Variants in CCM2 observed in about 807,000 individuals in gnomAD.
CCM2 encodes the protein CCM2 scaffold protein.
In CCM2, 25 loss-of-function variants were observed where a neutral mutation model predicts 44.9. That is an observed-to-expected ratio of 0.56 (90% CI 0.41 to 0.78). CCM2 has a LOEUF of 0.78. Among genes scored for constraint, CCM2 ranks in the 30% least tolerant of loss-of-function variants. The pLI is 0.00. For missense variants in CCM2, 481 were observed against 580.6 expected, an observed-to-expected ratio of 0.83 and a Z score of 1.76; for synonymous variants, 219 against 241.1, an observed-to-expected ratio of 0.91 and a Z score of 0.85.
At chr7:45,001,473 GTGTAAAAGGAGT>G (rs779099660) in intron 1 of CCM2, among the ~76,000 whole-genome samples, 2 of 152,288 alleles carry the variant, frequency 1.3e-5, no homozygotes, top group Non-Finnish European at 2.9e-5. Flanking sequence ...GAGCCAAGCA[GTGTAAAAGGAGT>G]TAGCTGGAAA....
At chr7:45,027,885 G>C in intron 1 of CCM2, 1 of 1,396,184 alleles carries the variant, frequency 7.2e-7, no homozygotes, top group Non-Finnish European at 1.0e-6. Context: ...GCTTCCCAGG[G>C]CTTGCCCATT....
At chr7:45,052,127 G>C (rs927706309) in intron 2 of CCM2, among the ~76,000 whole-genome samples, 3 of 152,238 alleles carry the variant, frequency 2.0e-5, no homozygotes, top group Non-Finnish European at 4.4e-5. Context: ...ACAAGCCCTT[G>C]GAGAGTAGGT....
At chr7:45,046,963 A>G (rs1797785715) in intron 2 of CCM2, among the ~76,000 whole-genome samples, 1 of 152,250 alleles carries the variant, frequency 6.6e-6, no homozygotes, top group African/African-American at 2.4e-5. Context: ...CAGTAAGCAC[A>G]TGAAAATATG....
intron 1 of CCM2, among the ~76,000 whole-genome samples, chr7:45,012,634 C>T (rs937526613): frequency 1.3e-5 from 2 of 152,042 alleles, no homozygotes; most frequent in South Asian, 2.1e-4. Flanking sequence ...TAACTCACTG[C>T]AGCCTTGAAC....
intron 1 of CCM2, among the ~76,000 whole-genome samples, chr7:45,003,108 T>C (rs1157610038): frequency 6.6e-6 from 1 of 152,148 alleles, no homozygotes; most frequent in Non-Finnish European, 1.5e-5. Context: ...AGAGTTTCGC[T>C]CTTGTTGCCC....
At chr7:45,075,266 C>T (rs1204077822) in intron 9 of CCM2, among the ~76,000 whole-genome samples, 1 of 152,250 alleles carries the variant, frequency 6.6e-6, no homozygotes, top group African/African-American at 2.4e-5. Context: ...CTGAGAGACA[C>T]ACTAGGCTTC....
At chr7:45,064,234 C>T (rs1430083185) in intron 3 of CCM2, among the ~76,000 whole-genome samples, 1 of 152,200 alleles carries the variant, frequency 6.6e-6, no homozygotes. Context: ...ATATTTCAAA[C>T]CATGTGCCGT....
At position 45,057,721 on chromosome 7, in the gene CCM2, G is replaced by A. The variant is rs574457223; in HGVS notation, c.205-6197G>A. 1.3e-3 allele frequency among the ~76,000 whole-genome samples: 191 copies of A among 152,322 alleles called. 1 individual carries two copies. Among genetic ancestry groups the A allele is most frequent in the Non-Finnish European group, 2.4e-3 (160 of 68,034 alleles). On this transcript the variant is annotated intron_variant, in intron 2 of 9. Coordinates refer to ENST00000258781, the MANE Select transcript of CCM2 (RefSeq NM_031443.4). The stretch of plus-strand genomic sequence containing the variant: ...GCTAAGGATGAGCCAGTACTTGGAT[G>A]TGCTGCTTATTTGTTCTGAAACTGC...
intron 1 of CCM2, among the ~76,000 whole-genome samples, chr7:45,010,403 C>T (rs1412932858): frequency 6.6e-6 from 1 of 152,104 alleles, no homozygotes; most frequent in Non-Finnish European, 1.5e-5. Context: ...TTTGTTCATT[C>T]TAGAACTTCA....
rs1795533308 is a variant in CCM2, at chr7:45,000,262, A to G, written c.-72A>G. ...GCGCGGGGGCGGCGGGCCCGGGTCG[A>G]GCATGTAGCGGCTGCTGGCGGCGGG... On this transcript the variant is annotated 5_prime_UTR_variant, in exon 1 of 10. Coordinates refer to ENST00000258781, the MANE Select transcript of CCM2 (RefSeq NM_031443.4). 1.0e-6 allele frequency: 1 copy of G among 976,428 alleles called. No individual in the cohort carries two copies. The highest frequency in any genetic ancestry group is 1.2e-6 in the Non-Finnish European group (1 of 800,350). 60.5% of individuals were successfully genotyped at this position (976,428 alleles called of 1,614,324 possible).
At chr7:45,016,148 G>A (rs1035114284) in intron 1 of CCM2, among the ~76,000 whole-genome samples, 1 of 152,150 alleles carries the variant, frequency 6.6e-6, no homozygotes, top group Non-Finnish European at 1.5e-5. Flanking sequence ...GCTGGGAAGC[G>A]TAGCCTTTGG....
chr7:45,068,619 C>G, intron 5 of CCM2, 40 bp downstream of exon 5: 1 of 1,612,128 alleles, frequency 6.2e-7, no homozygotes, highest in Non-Finnish European at 8.5e-7. Flanking sequence ...ACTGGCTCCT[C>G]CCAGACCCTG....
chr7:45,021,391 C>T (rs934295022), intron 1 of CCM2, among the ~76,000 whole-genome samples: 2 of 151,776 alleles, frequency 1.3e-5, no homozygotes, highest in Admixed American at 6.6e-5. Context: ...GGTAAAACCC[C>T]CGACTCTACT....
chr7:45,004,268 A>G (rs1583828173), intron 1 of CCM2, among the ~76,000 whole-genome samples: 1 of 152,182 alleles, frequency 6.6e-6, no homozygotes, highest in African/African-American at 2.4e-5. Context: ...TGGGTATGAT[A>G]ATTAAGTTCT....
chr7:45,042,251 G>T (rs1288579364), intron 2 of CCM2, among the ~76,000 whole-genome samples: 4 of 42,476 alleles, frequency 9.4e-5, no homozygotes, highest in Non-Finnish European at 1.4e-4. Flanking sequence ...GGGTAACAGA[G>T]CGAGATTCCA....
intron 1 of CCM2, among the ~76,000 whole-genome samples, chr7:45,019,496 C>T (rs1796397284): frequency 6.6e-6 from 1 of 152,094 alleles, no homozygotes. Flanking sequence ...TGGATAGTCT[C>T]AAGTGTTTAA....
intron 2 of CCM2, among the ~76,000 whole-genome samples, chr7:45,053,341 G>A (rs1442807483): frequency 6.6e-6 from 1 of 152,238 alleles, no homozygotes; most frequent in Non-Finnish European, 1.5e-5. Context: ...GAGTCTGAGA[G>A]CTGCTCCAGA....
At chr7:45,001,719 G>A (rs1389807031) in intron 1 of CCM2, among the ~76,000 whole-genome samples, 1 of 152,080 alleles carries the variant, frequency 6.6e-6, no homozygotes, top group Non-Finnish European at 1.5e-5. Context: ...TTCTAGAGCT[G>A]TCTATCAGCT....
At chr7:45,054,864 C>T (rs1445827198) in intron 2 of CCM2, among the ~76,000 whole-genome samples, 1 of 152,204 alleles carries the variant, frequency 6.6e-6, no homozygotes, top group Admixed American at 6.5e-5. Flanking sequence ...CAGGGTTCCC[C>T]AGGGCAGATG....
Sources: gnomAD v4.1 joint callset for allele counts (sites outside exome capture counted in the v4.1 genomes callset) on GRCh38, gnomAD v4.1.1 for gene constraint, MANE v1.5 for transcripts, NCBI Gene and HGNC (gene_info 2026-07-23, HGNC 2026-07-21) for gene names.